The following EHBP1 variants were observed in gnomAD, a reference collection of about 807,000 sequenced individuals.
EHBP1 encodes the protein EH domain-binding protein 1.
In EHBP1, 55 loss-of-function variants were observed where a neutral mutation model predicts 144.0. The observed-to-expected ratio is 0.38, with a 90% CI of 0.31 to 0.48. EHBP1 has a LOEUF of 0.48. EHBP1 is among the 20% of genes least tolerant of loss of function. EHBP1 has a pLI of 0.98. For missense variants in EHBP1, 1,200 were observed against 1,364.2 expected (o/e 0.88, Z 1.90); for synonymous variants, 469 against 472.7 (o/e 0.99, Z 0.10).
chr2:62,904,603 G>A (rs1198335852), intron 10 of EHBP1, among the ~76,000 whole-genome samples: 2 of 152,124 alleles, frequency 1.3e-5, no homozygotes, highest in African/African-American at 4.8e-5. Context: ...TGGGGAATAA[G>A]GACCTCAGTG....
At chr2:62,959,868 C>T (rs2057910519) in intron 14 of EHBP1, among the ~76,000 whole-genome samples, 1 of 152,120 alleles carries the variant, frequency 6.6e-6, no homozygotes, top group Non-Finnish European at 1.5e-5. Context: ...TTAAGTCCTT[C>T]TGATGAATAC....
At chr2:62,995,793 CTT>C (rs1169886039) in intron 18 of EHBP1, among the ~76,000 whole-genome samples, 1 of 151,936 alleles carries the variant, frequency 6.6e-6, no homozygotes, top group Non-Finnish European at 1.5e-5. Context: ...ATAACCCTGA[CTT>C]TGATGATTTA....
chr2:62,931,012 A>C (rs2055940521), intron 10 of EHBP1, among the ~76,000 whole-genome samples: 1 of 152,218 alleles, frequency 6.6e-6, no homozygotes, highest in Non-Finnish European at 1.5e-5. Context: ...AAAAGAAAGA[A>C]GACAAATTAG....
In EHBP1 at chr2:63,045,635, C is replaced by T; in HGVS notation, c.*135C>T. On this transcript the variant is annotated 3_prime_UTR_variant, in exon 23 of 23. Transcript: ENST00000431489. This position sits in a 1 kb window ranked among gnomAD's most constrained non-coding sequence, Gnocchi z 5.7. ...TTGTACTACTTTACCTCTACTTTAC[C>T]ACCACCACCCTTTTCCTCCCTCCTT... 1.5e-6 allele frequency: 1 copy of T among 658,300 alleles called. No homozygotes were observed. The highest frequency in any genetic ancestry group is 2.6e-6 in the Non-Finnish European group (1 of 383,192). The allele number at this position is 658,300 out of a possible 1,614,324, so 40.8% of individuals were successfully genotyped here.
intron 19 of EHBP1, among the ~76,000 whole-genome samples, chr2:63,024,958 C>T (rs925116228): frequency 2.6e-5 from 4 of 151,222 alleles, no homozygotes; most frequent in African/African-American, 9.7e-5. Flanking sequence ...ATTGCTCTCC[C>T]GAATTCTAGC....
intron 7 of EHBP1, among the ~76,000 whole-genome samples, chr2:62,837,583 T>G (rs1396137274): frequency 6.6e-6 from 1 of 151,202 alleles, no homozygotes; most frequent in African/African-American, 2.4e-5. Context: ...GTGTGCTGTA[T>G]TCAGGAAACC....
intron 6 of EHBP1, among the ~76,000 whole-genome samples, chr2:62,829,740 ATATT>A: frequency 6.8e-6 from 1 of 147,112 alleles, no homozygotes; most frequent in East Asian, 1.9e-4. Flanking sequence ...AATTATTTAT[ATATT>A]TATATTATGT....
At chr2:62,986,289 T>G (rs921491930) in intron 15 of EHBP1, among the ~76,000 whole-genome samples, 1 of 152,198 alleles carries the variant, frequency 6.6e-6, no homozygotes, top group Non-Finnish European at 1.5e-5. Context: ...GCATAGTTGA[T>G]TAGAAAAGAT....
chr2:62,715,941 C>T (rs2035630044), intron 2 of EHBP1, among the ~76,000 whole-genome samples: 1 of 152,166 alleles, frequency 6.6e-6, no homozygotes, highest in African/African-American at 2.4e-5. Flanking sequence ...TTAATTAACC[C>T]TATTATCGCT....
chr2:62,673,998 C>A (rs1165014767), exon 1 of EHBP1: 12 of 470,664 alleles, frequency 2.5e-5, no homozygotes, highest in Non-Finnish European at 5.3e-5. Flanking sequence ...CCTGTAGCAG[C>A]AATGTGAGAA....
chr2:62,796,065 T>A (rs2043516241), intron 5 of EHBP1, among the ~76,000 whole-genome samples: 1 of 151,834 alleles, frequency 6.6e-6, no homozygotes, highest in South Asian at 2.1e-4. Flanking sequence ...TTTAATATAA[T>A]TTGTCCTTGC....
At chr2:62,918,158 A>G (rs1314783531) in intron 10 of EHBP1, among the ~76,000 whole-genome samples, 1 of 151,848 alleles carries the variant, frequency 6.6e-6, no homozygotes, top group Non-Finnish European at 1.5e-5. Flanking sequence ...CAGCCTCCCA[A>G]ACTGCTGGGT....
chr2:62,882,169 T>C (rs1468240603), intron 10 of EHBP1, among the ~76,000 whole-genome samples: 1 of 152,252 alleles, frequency 6.6e-6, no homozygotes, highest in Non-Finnish European at 1.5e-5. Flanking sequence ...GCCTGTATTT[T>C]TATTGTTTTA....
chr2:62,854,918 C>T (rs1402885876), intron 7 of EHBP1, among the ~76,000 whole-genome samples: 1 of 152,134 alleles, frequency 6.6e-6, no homozygotes, highest in Non-Finnish European at 1.5e-5. Flanking sequence ...CTAAATCTGC[C>T]CAAGCCGTGC....
intron 10 of EHBP1, among the ~76,000 whole-genome samples, chr2:62,906,962 C>A: frequency 6.6e-6 from 1 of 152,132 alleles, no homozygotes; most frequent in East Asian, 1.9e-4. Flanking sequence ...CTGGGTTTCG[C>A]ATGTATCAAT....
chr2:62,955,369 A>G, intron 13 of EHBP1, 148 bp from the exon 14 acceptor site: 2 of 684,322 alleles, frequency 2.9e-6, no homozygotes, highest in Non-Finnish European at 4.6e-6. Flanking sequence ...TCTAGTCAAC[A>G]TTAATATTCT....
At chr2:62,809,207 C>G in intron 5 of EHBP1, among the ~76,000 whole-genome samples, 1 of 147,562 alleles carries the variant, frequency 6.8e-6, no homozygotes, top group Non-Finnish European at 1.5e-5. Context: ...AGGAGAATCA[C>G]TTGAACCTGG....
At chr2:63,013,283 T>C (rs1444999142) in intron 19 of EHBP1, among the ~76,000 whole-genome samples, 2 of 152,198 alleles carry the variant, frequency 1.3e-5, no homozygotes, top group Non-Finnish European at 2.9e-5. Context: ...GAAAATAATC[T>C]ACTTTAGGTT....
chr2:62,969,763 T>C (rs2058414924), intron 14 of EHBP1, among the ~76,000 whole-genome samples: 1 of 151,696 alleles, frequency 6.6e-6, no homozygotes, highest in Admixed American at 6.6e-5. Flanking sequence ...GGCTGATTTT[T>C]TTCTTTCTTT....
Sources: gnomAD v4.1 joint callset for allele counts (sites outside exome capture counted in the v4.1 genomes callset) on GRCh38, gnomAD v4.1.1 for gene constraint, Gnocchi (gnomAD v3.1) non-coding constraint, MANE v1.5 for transcripts, NCBI Gene and HGNC (gene_info 2026-07-23, HGNC 2026-07-21) for gene names.